The following AVEN variants were observed in gnomAD, a reference collection of about 807,000 sequenced individuals.
AVEN encodes apoptosis and caspase activation inhibitor.
Under a neutral mutation model 38.1 loss-of-function variants are expected in AVEN, and 41 were observed. The observed-to-expected ratio is 1.08, with a 90% CI of 0.84 to 1.40. The LOEUF (loss-of-function observed/expected upper bound fraction) is 1.40. Ranked by LOEUF, AVEN falls within the 40% of genes most tolerant of loss-of-function variation. The probability of loss-of-function intolerance (pLI) is 0.00; values close to 1 mark genes in which losing one functional copy is unlikely to be tolerated. For synonymous variants in AVEN, 206 were observed against 171.8 expected, an observed-to-expected ratio of 1.20 and a Z score of -1.56; for missense variants, 605 against 438.8, an observed-to-expected ratio of 1.38 and a Z score of -3.38.
chr15:34,059,547 C>T (rs1010444582), intron 5 of AVEN, among the ~76,000 whole-genome samples: 1 of 152,050 alleles, frequency 6.6e-6, no homozygotes, highest in Non-Finnish European at 1.5e-5. Flanking sequence ...CTCTCCTGTC[C>T]CTCCTTCTCC....
At chr15:33,863,525 C>G (rs530008645), downstream of AVEN, among the ~76,000 whole-genome samples, 1 of 152,170 alleles carries the variant, frequency 6.6e-6, no homozygotes, top group African/African-American at 2.4e-5. Context: ...TCTCTGAGAT[C>G]ATATAATGTG....
In AVEN at chr15:34,063,098, C is replaced by T. The variant is rs758808773; in HGVS notation, n.1461G>A. 5 of 1,614,158 alleles carry T rather than the reference C, an allele frequency of 3.1e-6. No homozygotes were observed. Among genetic ancestry groups the T allele is most frequent in the South Asian group, 1.1e-5 (1 of 91,082 alleles). ...TGAACCTTCTGGTGATCAGTTTTGA[C>T]CGTTACTTTTCCATCACAAGACCCT... On this transcript the variant is annotated non_coding_transcript_exon_variant, in exon 5 of 12. Coordinates refer to the AVEN transcript ENST00000675287. The surrounding 1 kb of genome is among the most constrained non-coding windows in gnomAD (Gnocchi z 4.1).
chr15:33,865,045 A>G, downstream of AVEN: 2 of 964,518 alleles, frequency 2.1e-6, no homozygotes, highest in Non-Finnish European at 3.3e-6. Flanking sequence ...AGTCTTCCTA[A>G]AGGGAGCCAC....
intron 5 of AVEN, among the ~76,000 whole-genome samples, chr15:34,054,479 T>C (rs1287399561): frequency 2.0e-5 from 3 of 152,194 alleles, no homozygotes; most frequent in Non-Finnish European, 4.4e-5. Context: ...AGATACACCA[T>C]GGAATACTAT....
rs182085489 is a variant in AVEN at position 33,881,005 on chromosome 15, G to T, written c.446-5010C>A. ...AAAAGTTACCACATTTTGTTTTCAG[G>T]AATAAAACTTCAAAATATAACACAA... On this transcript the variant is annotated intron_variant, in intron 2 of 5. Coordinates refer to ENST00000306730, the MANE Select transcript of AVEN (RefSeq NM_020371.3). Among the ~76,000 whole-genome samples the T allele has an allele frequency of 3.6e-4, 55 of 152,156 alleles. No individual in the cohort carries two copies. In the East Asian group the frequency reaches 8.7e-3, roughly 24 times the overall value.
chr15:34,069,099 C>T (rs1045713651), intron 2 of AVEN, among the ~76,000 whole-genome samples: 4 of 151,920 alleles, frequency 2.6e-5, no homozygotes, highest in African/African-American at 9.7e-5. Context: ...GAGTGAGCCA[C>T]CGCGCCAAGC....
At chr15:34,028,785 G>A (rs74007663) in intron 1 of AVEN, among the ~76,000 whole-genome samples, 3,314 of 152,022 alleles carry the variant, frequency 0.022, 117 homozygotes, top group African/African-American at 0.074. Flanking sequence ...TAGCACATGG[G>A]GGGTGAGAAG....
At chr15:33,963,630 C>G (rs1248884605) in intron 2 of AVEN, among the ~76,000 whole-genome samples, 4 of 151,976 alleles carry the variant, frequency 2.6e-5, no homozygotes, top group Non-Finnish European at 5.9e-5. Context: ...AACCCCATCT[C>G]TACTAAAAGT....
chr15:33,926,547 A>G (rs1893613812), intron 2 of AVEN, among the ~76,000 whole-genome samples: 1 of 152,208 alleles, frequency 6.6e-6, no homozygotes, highest in African/African-American at 2.4e-5. Context: ...ACAGAGGCTC[A>G]TGCCTATAAT....
chr15:33,946,900 C>T (rs1431232993), intron 2 of AVEN, among the ~76,000 whole-genome samples: 1 of 152,176 alleles, frequency 6.6e-6, no homozygotes. Context: ...CTCAGCTGCA[C>T]ACTGGACTCA....
downstream of AVEN, among the ~76,000 whole-genome samples, chr15:33,863,520 G>A (rs963892641): frequency 5.3e-5 from 8 of 152,192 alleles, no homozygotes; most frequent in African/African-American, 1.7e-4. Flanking sequence ...AACGGTCTCT[G>A]AGATCATATA....
intron 2 of AVEN, among the ~76,000 whole-genome samples, chr15:33,921,454 T>A (rs964336774): frequency 6.6e-6 from 1 of 152,076 alleles, no homozygotes; most frequent in South Asian, 2.1e-4. Flanking sequence ...AGTGCATTCC[T>A]GGAAGAAGGA....
Position 33,875,993 on chromosome 15 carries a change from C to G in AVEN, c.448G>C (p.Asp150His). 1 of 1,611,336 alleles carries G rather than the reference C, an allele frequency of 6.2e-7. No homozygotes were observed. ...GCAAACCGGAACTGTGAGAATGAGT[C>G]CCCTAGGAATAGGAAAAAAAAAAAA... is the stretch of plus-strand genomic sequence containing the variant. ...DFSVLLSSAG[D>H]SFSQFRFAEE... Residue 150 changes from aspartate (D) to histidine (H), a missense_variant and splice_region_variant, in exon 3 of 6, where the codon GAC becomes CAC. Coordinates refer to ENST00000306730, the MANE Select transcript of AVEN (RefSeq NM_020371.3).
chr15:34,014,391 C>CA (rs1332707712), intron 1 of AVEN, among the ~76,000 whole-genome samples: 7 of 30,950 alleles, frequency 2.3e-4, no homozygotes, highest in Admixed American at 1.1e-3. Flanking sequence ...AAAACAAAAA[C>CA]AAAAACCACG....
intron 5 of AVEN, 72 bp downstream of exon 5, chr15:33,867,423 G>T (rs1426293794): frequency 2.0e-6 from 3 of 1,516,952 alleles, no homozygotes; most frequent in Non-Finnish European, 2.6e-6. Flanking sequence ...GTGTGCGGAT[G>T]TGATGCGGGC....
At chr15:33,951,229 T>G (rs1824676913) in intron 2 of AVEN, among the ~76,000 whole-genome samples, 1 of 152,144 alleles carries the variant, frequency 6.6e-6, no homozygotes, top group African/African-American at 2.4e-5. Context: ...GGAGGGAAGT[T>G]AAGTATTTTT....
chr15:34,064,328 C>T (rs1309480102), intron 4 of AVEN: 12 of 1,602,458 alleles, frequency 7.5e-6, no homozygotes, highest in Non-Finnish European at 9.4e-6. Flanking sequence ...AAGTCAACAA[C>T]TCCTCTCGAA....
intron 11 of AVEN, chr15:33,860,557 C>T (rs1172787048): frequency 1.0e-5 from 14 of 1,338,142 alleles, no homozygotes; most frequent in Non-Finnish European, 1.5e-5. Context: ...CCCTGAACCA[C>T]TACACAGATT....
intron 2 of AVEN, among the ~76,000 whole-genome samples, chr15:33,884,678 C>CA (rs35809059): frequency 2.0e-5 from 3 of 151,794 alleles, no homozygotes; most frequent in South Asian, 2.1e-4. Flanking sequence ...GCCCTATCAA[C>CA]AAAAAAAGGG....
Sources: allele counts gnomAD v4.1 joint callset (sites outside exome capture counted in the v4.1 genomes callset), GRCh38; gene constraint gnomAD v4.1.1; non-coding constraint Gnocchi (gnomAD v3.1); transcripts MANE v1.5; gene names NCBI Gene and HGNC (gene_info 2026-07-23, HGNC 2026-07-21).